NPHP4: variants seen among roughly 807,000 people sequenced by gnomAD.
The protein encoded by NPHP4 is nephrocystin-4.
Under a neutral mutation model 155.8 loss-of-function variants are expected in NPHP4, and 151 were observed. The ratio of observed to expected loss-of-function variants is 0.97; its 90% CI spans 0.85 to 1.11. The LOEUF is 1.11. Ranked by LOEUF, NPHP4 falls within the 50% of genes least tolerant of loss-of-function variation. The probability of loss-of-function intolerance (pLI) is 0.00; values close to 1 mark genes in which losing one functional copy is unlikely to be tolerated. For missense variants in NPHP4, 1,956 were observed against 1,925.7 expected (o/e 1.02, Z -0.29); for synonymous variants, 845 against 816.8 (o/e 1.03, Z -0.59).
At chr1:5,964,294 C>T (rs984378984) in intron 5 of NPHP4, among the ~76,000 whole-genome samples, 4 of 152,176 alleles carry the variant, frequency 2.6e-5, no homozygotes, top group Admixed American at 6.5e-5. Context: ...TCCTTTTTCT[C>T]ACTGTTTTCC....
chr1:5,916,996 G>A (rs975575868), intron 11 of NPHP4, among the ~76,000 whole-genome samples: 2 of 152,252 alleles, frequency 1.3e-5, no homozygotes, highest in African/African-American at 4.8e-5. Flanking sequence ...TGGAATGCAA[G>A]AGTGCAGCCA....
intron 22 of NPHP4, chr1:5,873,565 C>A: frequency 1.7e-6 from 1 of 584,918 alleles, no homozygotes; most frequent in East Asian, 2.9e-5. Context: ...TGCCTGAAGC[C>A]AAAGGCCTGA....
At chr1:5,934,797 G>C (rs925428285) in intron 9 of NPHP4, among the ~76,000 whole-genome samples, 1 of 152,200 alleles carries the variant, frequency 6.6e-6, no homozygotes, top group Non-Finnish European at 1.5e-5. Context: ...GATGGGTGGA[G>C]CACAGCATCC....
chr1:5,885,358 C>A (rs192126047), intron 18 of NPHP4, among the ~76,000 whole-genome samples: 1 of 152,248 alleles, frequency 6.6e-6, no homozygotes, highest in East Asian at 1.9e-4. Context: ...GCCCATCCTA[C>A]GCCGCAACCA....
At position 5,863,325 on chromosome 1, in the gene NPHP4, G is replaced by A. The variant is rs767715436; in HGVS notation, c.4221C>T (p.Tyr1407=). Residue 1407 remains tyrosine (Y), a synonymous_variant, in exon 30 of 30, where the codon TAC becomes TAT. Coordinates refer to ENST00000378156, the MANE Select transcript of NPHP4 (RefSeq NM_015102.5). The stretch of plus-strand genomic sequence containing the variant: ...CGTTTTTGTCCTCATGGTCATTGAT[G>A]TAGATCAGGATCTCCTCCTCACCCA... ...QRVGEEEILI[Y]INDHEDKNEE... 4.3e-6 allele frequency: 7 copies of A among 1,613,970 alleles called. No individual in the cohort carries two copies. Among genetic ancestry groups the A allele is most frequent in the Non-Finnish European group, 5.9e-6 (7 of 1,179,828 alleles).
In NPHP4 at chr1:5,867,989, GCCAAGACCC is replaced by G. The variant is rs779114464; in HGVS notation, c.3316-102_3316-94del. 1.5e-6 allele frequency: 2 copies of G among 1,368,712 alleles called. No individual in the cohort carries two copies. The highest frequency in any genetic ancestry group is 2.4e-5 in the South Asian group (2 of 83,974). The allele number at this position is 1,368,712 out of a possible 1,614,324, so 84.8% of individuals were successfully genotyped here. ...AGACAGCACACGTATCTCCACTGTT[GCCAAGACCC>G]CCTCACCCTCCACTGCCATGAGCGG... On this transcript the variant is annotated intron_variant, in intron 23 of 29. Transcript: ENST00000378156. The surrounding 1 kb of genome is among the most constrained non-coding windows in gnomAD (Gnocchi z 4.1).
chr1:5,964,642 T>TAA (rs1488496255), intron 5 of NPHP4, among the ~76,000 whole-genome samples: 1 of 151,884 alleles, frequency 6.6e-6, no homozygotes, highest in African/African-American at 2.4e-5. Context: ...AAGGTGCCTT[T>TAA]AAAGTGAGGG....
At chr1:5,986,086 T>C in intron 2 of NPHP4, 69 bp downstream of exon 2, 2 of 1,544,116 alleles carry the variant, frequency 1.3e-6, no homozygotes, top group South Asian at 1.1e-5. Flanking sequence ...GGACCATCCA[T>C]CTGTTAACTG....
chr1:5,912,486 C>T (rs186409316), intron 11 of NPHP4, among the ~76,000 whole-genome samples: 3,478 of 145,888 alleles, frequency 0.024, 87 homozygotes, highest in African/African-American at 0.071. Flanking sequence ...TTCGGTGAGC[C>T]GAGATCGCGC....
Position 5,867,940 on chromosome 1 carries a change from G to T in NPHP4, c.3316-44C>A. On this transcript the variant is annotated intron_variant, in intron 23 of 29. Coordinates refer to ENST00000378156, the MANE Select transcript of NPHP4 (RefSeq NM_015102.5). The surrounding 1 kb of genome is among the most constrained non-coding windows in gnomAD (Gnocchi z 4.1). Reference sequence around the variant, plus strand: ...GAGTGTTGGGATGGGCACGAGGCTTGTGAGCAGCTTCTTGTCCCTCCTTAG... The same window carrying T: ...GAGTGTTGGGATGGGCACGAGGCTTTTGAGCAGCTTCTTGTCCCTCCTTAG... 1.2e-6 allele frequency: 2 copies of T among 1,608,500 alleles called. No individual in the cohort carries two copies. The highest frequency in any genetic ancestry group is 1.7e-6 in the Non-Finnish European group (2 of 1,174,994).
At chr1:5,934,900 C>CT (rs1291180437) in intron 9 of NPHP4, among the ~76,000 whole-genome samples, 3 of 152,120 alleles carry the variant, frequency 2.0e-5, no homozygotes, top group Non-Finnish European at 4.4e-5. Context: ...GCCAGGGGTC[C>CT]TAAGGGACTT....
chr1:5,888,371 AGT>A, intron 17 of NPHP4: 2 of 1,085,154 alleles, frequency 1.8e-6, no homozygotes, highest in Non-Finnish European at 2.3e-6. Context: ...CATAAGAAGC[AGT>A]GTGGGAGCAG....
chr1:5,907,346 A>C, intron 12 of NPHP4, 124 bp from the exon 13 acceptor site: 1 of 544,638 alleles, frequency 1.8e-6, no homozygotes, highest in Non-Finnish European at 3.2e-6. Context: ...GAAGGGAGTG[A>C]TGCCTGCAGC....
At chr1:5,865,362 C>T (rs1361839671) in intron 26 of NPHP4, 89 bp from the exon 27 acceptor site, 3 of 1,218,280 alleles carry the variant, frequency 2.5e-6, no homozygotes, top group African/African-American at 3.0e-5. Flanking sequence ...GGAGCGTGGG[C>T]AGACAGGAGG....
chr1:5,940,562 G>A (rs774333092), intron 9 of NPHP4, among the ~76,000 whole-genome samples: 2 of 152,066 alleles, frequency 1.3e-5, no homozygotes, highest in Non-Finnish European at 2.9e-5. Flanking sequence ...TTTAAAGACA[G>A]CATGCGGTAT....
chr1:5,947,196 G>A lies in NPHP4; in HGVS notation c.1027C>T (p.Leu343Phe). The change falls in exon 9 of 30, where the codon CTC becomes TTC. Residue 343 changes from leucine to phenylalanine, a missense_variant. Physicochemically the swap from Leu to Phe is conservative, Grantham distance 22 (BLOSUM62 0). Transcript: ENST00000378156. ...GSQALVLRSR[L>F]RLPEMVGHPA... is the part of the protein sequence containing the mutation. The stretch of plus-strand genomic sequence containing the variant: ...TGGCCGACCATCTCTGGGAGGCGGA[G>A]GCGGCTTCTCAAAACCAGAGCTTGG... 1 of 1,613,938 alleles carries A rather than the reference G, an allele frequency of 6.2e-7. No individual in the cohort carries two copies. The highest frequency in any genetic ancestry group is 2.2e-5 in the East Asian group (1 of 44,856).
Position 5,890,915 on chromosome 1 carries a change from C to T in NPHP4, c.2257G>A (p.Asp753Asn), listed in dbSNP as rs148424288. ...AVQTLQIDVW[D>N]GDSLLLIGSA... is the part of the protein sequence containing the mutation. Reference sequence around the variant, plus strand: ...CCGATGAGCAGCAGGGAGTCTCCGTCCCAGACGTCAATCTGCAGGGTCTGC... The same window carrying T: ...CCGATGAGCAGCAGGGAGTCTCCGTTCCAGACGTCAATCTGCAGGGTCTGC... Residue 753 changes from aspartate (D) to asparagine (N), a missense_variant, in exon 17 of 30, where the codon GAC (aspartate) becomes AAC (asparagine). Coordinates refer to ENST00000378156, the MANE Select transcript of NPHP4 (RefSeq NM_015102.5). The surrounding 1 kb of genome is among the most constrained non-coding windows in gnomAD (Gnocchi z 4.9). The T allele has an allele frequency of 5.7e-4, 921 of 1,610,448 alleles. 6 individuals are homozygous for T. In the African/African-American group the frequency reaches 0.011, roughly 19 times the overall value.
intron 22 of NPHP4, chr1:5,873,784 ACAC>A (rs756472221): frequency 9.6e-5 from 27 of 282,134 alleles, no homozygotes; most frequent in Admixed American, 7.9e-4. Flanking sequence ...CACACCTCAC[ACAC>A]CACCCCCTGC....
chr1:5,952,905 C>A, intron 6 of NPHP4, 69 bp from the exon 7 acceptor site: 1 of 1,437,152 alleles, frequency 7.0e-7, no homozygotes. Flanking sequence ...CACCGAGGGT[C>A]CCTACCCACC....
Sources: allele counts gnomAD v4.1 joint callset (sites outside exome capture counted in the v4.1 genomes callset), GRCh38; gene constraint gnomAD v4.1.1; non-coding constraint Gnocchi (gnomAD v3.1); transcripts MANE v1.5; gene names NCBI Gene and HGNC (gene_info 2026-07-23, HGNC 2026-07-21).